Variants in SNTG2 observed in about 807,000 individuals in gnomAD.
The protein encoded by SNTG2 is gamma-2-syntrophin.
Under a neutral mutation model 70.9 loss-of-function variants are expected in SNTG2, and 74 were observed. The ratio of observed to expected loss-of-function variants is 1.04; its 90% CI spans 0.86 to 1.27. The LOEUF is 1.27. Ranked by LOEUF, SNTG2 falls within the 50% of genes most tolerant of loss-of-function variation. The probability of loss-of-function intolerance (pLI) is 0.00; values close to 1 mark genes in which losing one functional copy is unlikely to be tolerated. For missense variants in SNTG2, 717 were observed against 690.7 expected (o/e 1.04, Z -0.43); for synonymous variants, 278 against 273.8 (o/e 1.02, Z -0.15).
chr2:1,197,531 G>GTATGTATATATA (rs1309765193), intron 8 of SNTG2, among the ~76,000 whole-genome samples: 5 of 146,456 alleles, frequency 3.4e-5, no homozygotes, highest in Admixed American at 6.8e-5. Context: ...GTGTGTGTGT[G>GTATGTATATATA]TGTGTGTGTG....
intron 16 of SNTG2, among the ~76,000 whole-genome samples, chr2:1,352,049 C>A (rs1455572039): frequency 6.6e-6 from 1 of 152,184 alleles, no homozygotes; most frequent in Admixed American, 6.5e-5. Context: ...CCAGCAGAGT[C>A]CCCTCTCTGA....
At chr2:1,258,459 A>G (rs1370007337) in intron 12 of SNTG2, among the ~76,000 whole-genome samples, 1 of 152,246 alleles carries the variant, frequency 6.6e-6, no homozygotes, top group African/African-American at 2.4e-5. Flanking sequence ...TAAAATATTA[A>G]ATAGCAAAAC....
chr2:998,332 C>T (rs1661759467), intron 1 of SNTG2, among the ~76,000 whole-genome samples: 1 of 151,468 alleles, frequency 6.6e-6, no homozygotes, highest in Admixed American at 6.6e-5. Context: ...ATAGAGAATA[C>T]AAACTATTGA....
intron 4 of SNTG2, among the ~76,000 whole-genome samples, chr2:1,103,096 C>T (rs1237499630): frequency 6.6e-6 from 1 of 152,146 alleles, no homozygotes; most frequent in African/African-American, 2.4e-5. Flanking sequence ...TCAGGATTCA[C>T]AGGTCCACGT....
At chr2:1,173,209 T>G (rs2147884376) in intron 8 of SNTG2, 26 bp downstream of exon 8, 1 of 1,600,618 alleles carries the variant, frequency 6.2e-7, no homozygotes, top group South Asian at 1.1e-5. Context: ...TTTGTTAAAT[T>G]TTATTTTAAC....
intron 1 of SNTG2, among the ~76,000 whole-genome samples, chr2:963,766 C>T (rs1002820946): frequency 3.3e-5 from 5 of 152,162 alleles, no homozygotes; most frequent in African/African-American, 1.2e-4. Flanking sequence ...CAATTTCAAA[C>T]TAACTCTAGA....
intron 16 of SNTG2, among the ~76,000 whole-genome samples, chr2:1,366,456 A>G (rs1179555312): frequency 2.0e-5 from 3 of 151,766 alleles, no homozygotes; most frequent in African/African-American, 4.9e-5. Flanking sequence ...GTTTGTGGAG[A>G]GAAGATGAAC....
intron 1 of SNTG2, among the ~76,000 whole-genome samples, chr2:1,026,163 TTTG>T (rs990114256): frequency 1.9e-4 from 29 of 152,262 alleles, no homozygotes; most frequent in Admixed American, 8.5e-4. Context: ...TTTTGAAAAG[TTTG>T]TTGTTGTTGT....
At chr2:1,357,040 T>C (rs1422044618) in intron 16 of SNTG2, among the ~76,000 whole-genome samples, 1 of 152,130 alleles carries the variant, frequency 6.6e-6, no homozygotes, top group Non-Finnish European at 1.5e-5. Flanking sequence ...TTGCTGAATT[T>C]TTGTTTATTA....
intron 6 of SNTG2, among the ~76,000 whole-genome samples, chr2:1,154,941 ACACATAAACTCACAC>A (rs1669760933): frequency 9.2e-6 from 1 of 109,094 alleles, no homozygotes; most frequent in African/African-American, 3.5e-5. Flanking sequence ...TACACACCAC[ACACATAAACTCACAC>A]CACACACAAA....
intron 16 of SNTG2, among the ~76,000 whole-genome samples, chr2:1,327,992 G>A (rs865984806): frequency 6.6e-6 from 1 of 152,130 alleles, no homozygotes; most frequent in Admixed American, 6.5e-5. Context: ...TCGCTTCTGG[G>A]GAGGCCTCAG....
intron 7 of SNTG2, among the ~76,000 whole-genome samples, chr2:1,167,460 A>G (rs112422627): frequency 2.0e-4 from 25 of 127,646 alleles, no homozygotes; most frequent in South Asian, 5.8e-4. Context: ...GAAGCCTACA[A>G]GCCGCCCACA....
chr2:1,203,659 C>CAAA (rs202037307), intron 8 of SNTG2, among the ~76,000 whole-genome samples: 9 of 82,302 alleles, frequency 1.1e-4, no homozygotes, highest in South Asian at 4.1e-4. Flanking sequence ...GTCTCAAAAA[C>CAAA]AAACAAAAAA....
chr2:964,962 C>A (rs1660483767), intron 1 of SNTG2, among the ~76,000 whole-genome samples: 1 of 149,796 alleles, frequency 6.7e-6, no homozygotes. Context: ...TCTGGTCCTG[C>A]TCCTTGGCCC....
chr2:1,077,929 CT>C (rs1474877950), intron 1 of SNTG2, among the ~76,000 whole-genome samples: 2 of 152,150 alleles, frequency 1.3e-5, no homozygotes, highest in Admixed American at 1.3e-4. Context: ...CCTCCTGGTG[CT>C]GACGCGGGTT....
intron 2 of SNTG2, among the ~76,000 whole-genome samples, chr2:1,093,112 G>A (rs190207078): frequency 8.5e-5 from 13 of 152,260 alleles, no homozygotes; most frequent in Admixed American, 2.6e-4. Context: ...TGAGGAGGCC[G>A]TGATTATGGG....
rs7421235 is a variant in SNTG2, at chr2:1,121,464, T to A, written c.326-16158T>A. Among the ~76,000 whole-genome samples the A allele has an allele frequency of 4.4e-4, 67 of 151,806 alleles. 1 individual carries two copies. The highest frequency in any genetic ancestry group is 1.2e-3 in the East Asian group (6 of 5,182). On this transcript the variant is annotated intron_variant, in intron 4 of 16. Transcript: ENST00000308624. ...AATTAGTAAAACTAAGAATTGTTTTTAAAAAAAAATAAAATTGGCAAACTC... is the reference window on the plus strand; with the variant it reads ...AATTAGTAAAACTAAGAATTGTTTTAAAAAAAAAATAAAATTGGCAAACTC...
intron 14 of SNTG2, among the ~76,000 whole-genome samples, chr2:1,306,709 T>C (rs1490106626): frequency 3.3e-5 from 5 of 150,366 alleles, no homozygotes; most frequent in South Asian, 2.1e-4. Context: ...TGTGTGTGTG[T>C]GCCATGCACT....
chr2:1,070,247 C>T (rs752739452), intron 1 of SNTG2, among the ~76,000 whole-genome samples: 5 of 151,988 alleles, frequency 3.3e-5, no homozygotes, highest in Non-Finnish European at 5.9e-5. Context: ...TATTTCATCT[C>T]GACAACAGTT....
Sources: gnomAD v4.1 joint callset for allele counts (sites outside exome capture counted in the v4.1 genomes callset) on GRCh38, gnomAD v4.1.1 for gene constraint, MANE v1.5 for transcripts, NCBI Gene and HGNC (gene_info 2026-07-23, HGNC 2026-07-21) for gene names.